Variants in PEAK1 observed in about 807,000 individuals in gnomAD.
PEAK1 encodes the protein inactive tyrosine-protein kinase PEAK1.
In PEAK1, 54 loss-of-function variants were observed where a neutral mutation model predicts 124.7. The observed-to-expected ratio is 0.43, with a 90% CI of 0.35 to 0.54. The LOEUF is 0.54. Among genes scored for constraint, PEAK1 ranks in the 20% least tolerant of loss-of-function variants. The pLI is 0.01. For synonymous variants in PEAK1, 719 were observed against 760.0 expected (o/e 0.95, Z 0.89); for missense variants, 2,046 against 2,134.5 (o/e 0.96, Z 0.82).
chr15:77,184,351 A>G (rs1180308563), intron 6 of PEAK1, among the ~76,000 whole-genome samples: 1 of 150,398 alleles, frequency 6.6e-6, no homozygotes. Flanking sequence ...AAGCAATTGA[A>G]ACTCATATAT....
At chr15:77,286,570 G>C (rs1437850843) in intron 2 of PEAK1, 66 bp from the exon 3 acceptor site, 6 of 750,718 alleles carry the variant, frequency 8.0e-6, no homozygotes, top group Non-Finnish European at 1.1e-5. Flanking sequence ...CTTTAAAACT[G>C]AGCATTCTTT....
intron 5 of PEAK1, among the ~76,000 whole-genome samples, chr15:77,280,061 C>A (rs1016190704): frequency 2.0e-5 from 3 of 152,126 alleles, no homozygotes; most frequent in African/African-American, 7.2e-5. Flanking sequence ...CAGTTTTGGG[C>A]CGGGCATAGT....
At chr15:77,314,771 TA>T (rs1299975327) in intron 2 of PEAK1, among the ~76,000 whole-genome samples, 1 of 152,202 alleles carries the variant, frequency 6.6e-6, no homozygotes, top group Non-Finnish European at 1.5e-5. Flanking sequence ...AGATGTTTAT[TA>T]ATAGAATGAT....
intron 8 of PEAK1, among the ~76,000 whole-genome samples, chr15:77,141,715 T>A (rs1044971613): frequency 6.6e-5 from 10 of 152,152 alleles, no homozygotes; most frequent in Non-Finnish European, 1.5e-4. Flanking sequence ...AGCGCAGAAG[T>A]GAACACTTAT....
At chr15:77,321,799 T>G (rs1343295228) in intron 2 of PEAK1, among the ~76,000 whole-genome samples, 1 of 152,198 alleles carries the variant, frequency 6.6e-6, no homozygotes, top group Non-Finnish European at 1.5e-5. Context: ...GGTCTAACAT[T>G]TAAGTCTTTA....
At chr15:77,337,387 A>C (rs995528567) in intron 2 of PEAK1, 4 of 943,132 alleles carry the variant, frequency 4.2e-6, no homozygotes, top group Non-Finnish European at 5.1e-6. Flanking sequence ...TAATCATTGA[A>C]GATTATAATA....
At position 77,268,293 on chromosome 15, in the gene PEAK1, G is replaced by A. The variant is rs1052718684; in HGVS notation, c.-275+15590C>T. On this transcript the variant is annotated intron_variant, in intron 5 of 9. Coordinates refer to ENST00000682557, the MANE Select transcript of PEAK1 (RefSeq NM_001385026.1). ...AGTTTGAGACCAGCCTGGCCAAGATGGTGAAACCCCATCTCTCCTAAAATA... is the reference window on the plus strand; with the variant it reads ...AGTTTGAGACCAGCCTGGCCAAGATAGTGAAACCCCATCTCTCCTAAAATA... 1.2e-3 allele frequency among the ~76,000 whole-genome samples: 179 copies of A among 152,122 alleles called. 2 individuals carry two copies. Among genetic ancestry groups the A allele is most frequent in the Non-Finnish European group, 2.5e-4 (17 of 68,024 alleles).
At chr15:77,135,681 T>G (rs1421099244) in intron 8 of PEAK1, among the ~76,000 whole-genome samples, 1 of 152,172 alleles carries the variant, frequency 6.6e-6, no homozygotes, top group East Asian at 1.9e-4. Flanking sequence ...ACTGTTCTCA[T>G]GATAGAGAAT....
At chr15:77,360,109 C>A (rs747113060) in intron 2 of PEAK1, among the ~76,000 whole-genome samples, 1 of 152,166 alleles carries the variant, frequency 6.6e-6, no homozygotes. Context: ...CAGAAATAAA[C>A]CCCTACATTT....
chr15:77,274,714 T>C (rs756078064), intron 5 of PEAK1, among the ~76,000 whole-genome samples: 1 of 152,104 alleles, frequency 6.6e-6, no homozygotes, highest in Non-Finnish European at 1.5e-5. Context: ...ACACTGCTGG[T>C]GGGAATATAA....
intron 9 of PEAK1, among the ~76,000 whole-genome samples, chr15:77,131,857 C>T (rs1596297071): frequency 6.6e-6 from 1 of 151,998 alleles, no homozygotes; most frequent in East Asian, 1.9e-4. Context: ...GTGGGAGGAT[C>T]ACTGGAAGCC....
intron 5 of PEAK1, among the ~76,000 whole-genome samples, chr15:77,264,792 G>A (rs1187793939): frequency 3.9e-5 from 6 of 151,930 alleles, no homozygotes; most frequent in Non-Finnish European, 5.9e-5. Context: ...AGCCCGCATC[G>A]CCAAGTCAAT....
chr15:77,154,484 T>C (rs1448375152), intron 8 of PEAK1, among the ~76,000 whole-genome samples: 6 of 152,230 alleles, frequency 3.9e-5, no homozygotes, highest in African/African-American at 7.2e-5. Context: ...AGCCCATTTA[T>C]ATTTAAAGTT....
At chr15:77,257,601 G>C (rs574854084) in intron 5 of PEAK1, among the ~76,000 whole-genome samples, 25 of 151,528 alleles carry the variant, frequency 1.6e-4, no homozygotes, top group Non-Finnish European at 2.9e-4. Context: ...AAATTTGTTT[G>C]AGTTCACTTT....
chr15:77,312,738 C>G (rs559592014), intron 2 of PEAK1, among the ~76,000 whole-genome samples: 5 of 152,288 alleles, frequency 3.3e-5, no homozygotes, highest in African/African-American at 1.2e-4. Flanking sequence ...AGGAAGAAGG[C>G]TGAAGGCCTA....
intron 8 of PEAK1, among the ~76,000 whole-genome samples, chr15:77,151,371 T>C (rs2152770732): frequency 6.6e-6 from 1 of 152,364 alleles, no homozygotes; most frequent in African/African-American, 2.4e-5. Flanking sequence ...TTTTCTTTCT[T>C]GTAAATTTGT....
intron 5 of PEAK1, among the ~76,000 whole-genome samples, chr15:77,273,045 T>C (rs532556008): frequency 1.3e-5 from 2 of 152,276 alleles, no homozygotes; most frequent in African/African-American, 4.8e-5. Context: ...CAAAAAGCGT[T>C]TGACAAAATC....
At chr15:77,196,689 T>C (rs903531578) in intron 6 of PEAK1, among the ~76,000 whole-genome samples, 5 of 152,136 alleles carry the variant, frequency 3.3e-5, no homozygotes, top group African/African-American at 9.7e-5. Flanking sequence ...TAGCAAATGG[T>C]AGGAAAAATA....
intron 6 of PEAK1, among the ~76,000 whole-genome samples, chr15:77,195,518 C>T (rs1442626876): frequency 6.6e-6 from 1 of 152,014 alleles, no homozygotes; most frequent in Non-Finnish European, 1.5e-5. Context: ...AGCATAATAT[C>T]TGAGCAGACA....
Sources: allele counts gnomAD v4.1 joint callset (sites outside exome capture counted in the v4.1 genomes callset), GRCh38; gene constraint gnomAD v4.1.1; transcripts MANE v1.5; gene names NCBI Gene and HGNC (gene_info 2026-07-23, HGNC 2026-07-21).